Variants in BRINP3 observed in about 807,000 individuals in gnomAD.
BRINP3 encodes the protein BMP/retinoic acid inducible neural specific 3.
A neutral mutation model predicts 71.0 loss-of-function variants in BRINP3; 19 were observed. The ratio of observed to expected loss-of-function variants is 0.27; its 90% CI spans 0.19 to 0.39. The LOEUF is 0.39. BRINP3 is among the 10% of genes least tolerant of loss of function. The pLI is 1.00. For missense variants in BRINP3, 959 were observed against 940.8 expected, an observed-to-expected ratio of 1.02 and a Z score of -0.25; for synonymous variants, 380 against 337.7, an observed-to-expected ratio of 1.13 and a Z score of -1.37.
Position 190,386,792 on chromosome 1 carries a change from T to C in BRINP3, c.236+67863A>G, listed in dbSNP as rs148305793. ...TCATGGAATTACATTAAGAATTAAA[T>C]GACTATACAAATAAAGGGCTTACAA... On this transcript the variant is annotated intron_variant, in intron 2 of 7. Coordinates refer to ENST00000367462, the MANE Select transcript of BRINP3 (RefSeq NM_199051.3). Among the ~76,000 whole-genome samples the C allele has an allele frequency of 1.7e-4, 26 of 152,162 alleles. No individual in the cohort carries two copies. In the East Asian group the frequency reaches 4.6e-3, roughly 27 times the overall value.
At chr1:190,471,998 G>C (rs1260360896) in intron 1 of BRINP3, among the ~76,000 whole-genome samples, 1 of 151,198 alleles carries the variant, frequency 6.6e-6, no homozygotes. Flanking sequence ...AAGAAGATTT[G>C]ATACTAGCAT....
At chr1:190,222,775 T>G (rs1269956756) in intron 6 of BRINP3, among the ~76,000 whole-genome samples, 1 of 151,732 alleles carries the variant, frequency 6.6e-6, no homozygotes, top group South Asian at 2.1e-4. Flanking sequence ...TAATCAAAAC[T>G]GACAAATTCT....
At chr1:190,471,187 T>G (rs1447004572) in intron 1 of BRINP3, among the ~76,000 whole-genome samples, 1 of 151,160 alleles carries the variant, frequency 6.6e-6, no homozygotes, top group Non-Finnish European at 1.5e-5. Flanking sequence ...TTATGGTGGC[T>G]ATTTGATGCT....
chr1:190,314,151 G>A (rs2103032559), intron 2 of BRINP3, among the ~76,000 whole-genome samples: 1 of 152,116 alleles, frequency 6.6e-6, no homozygotes, highest in African/African-American at 2.4e-5. Flanking sequence ...AGACCTTGAT[G>A]TCTATCAAGG....
intron 7 of BRINP3, among the ~76,000 whole-genome samples, chr1:190,119,728 A>C (rs1052394108): frequency 1.3e-5 from 2 of 152,206 alleles, no homozygotes; most frequent in East Asian, 1.9e-4. Context: ...GGCAACAATG[A>C]TGAGATGTAA....
chr1:190,298,493 A>C lies in BRINP3; in HGVS notation c.237-16743T>G, dbSNP rs145709727. On this transcript the variant is annotated intron_variant, in intron 2 of 7. Coordinates refer to ENST00000367462, the MANE Select transcript of BRINP3 (RefSeq NM_199051.3). The stretch of plus-strand genomic sequence containing the variant: ...ATACATTTCTCTCTCAGCACTGCTT[A>C]AATCATGTTCCACAATTTTTGATAT... 6.9e-3 allele frequency among the ~76,000 whole-genome samples: 1,049 copies of C among 151,966 alleles called. 5 individuals carry two copies. Among genetic ancestry groups the C allele is most frequent in the Admixed American group, 0.012 (181 of 15,238 alleles).
At position 190,098,066 on chromosome 1, in the gene BRINP3, G is replaced by T. The variant is rs781131758; in HGVS notation, c.2253C>A (p.Ala751=). ...RIQSALQAFN[A]KLPNTMDYDT... ...CATAATCCATTGTGTTTGGCAATTT[G>T]GCATTAAACGCCTGCAGAGCAGATT... Residue 751 remains alanine (A), a synonymous_variant, in exon 8 of 8, where the codon GCC becomes GCA. Coordinates refer to ENST00000367462, the MANE Select transcript of BRINP3 (RefSeq NM_199051.3). 1.2e-5 allele frequency: 19 copies of T among 1,613,598 alleles called. No homozygotes were observed. The highest frequency in any genetic ancestry group is 1.4e-5 in the Non-Finnish European group (16 of 1,179,878).
At chr1:190,343,725 T>C (rs2103120429) in intron 2 of BRINP3, among the ~76,000 whole-genome samples, 1 of 151,656 alleles carries the variant, frequency 6.6e-6, no homozygotes, top group Non-Finnish European at 1.5e-5. Context: ...TACCAATCAA[T>C]AAACCGACTC....
chr1:190,139,462 A>AG (rs1331463136), intron 7 of BRINP3, among the ~76,000 whole-genome samples: 2 of 151,684 alleles, frequency 1.3e-5, no homozygotes, highest in East Asian at 3.9e-4. Flanking sequence ...AAAAAAAAAA[A>AG]AAAAAAAAGA....
At chr1:190,279,536 T>G (rs1662879672) in intron 3 of BRINP3, among the ~76,000 whole-genome samples, 1 of 151,880 alleles carries the variant, frequency 6.6e-6, no homozygotes, top group Non-Finnish European at 1.5e-5. Flanking sequence ...GCTGATCTCT[T>G]TCTCTTCTTA....
At chr1:190,287,051 T>A (rs1470835795) in intron 2 of BRINP3, among the ~76,000 whole-genome samples, 5 of 148,054 alleles carry the variant, frequency 3.4e-5, no homozygotes, top group Non-Finnish European at 7.4e-5. Context: ...AAACCCTGTC[T>A]CTACTAAAAA....
At chr1:190,367,945 G>A (rs1391239718) in intron 2 of BRINP3, among the ~76,000 whole-genome samples, 2 of 152,082 alleles carry the variant, frequency 1.3e-5, no homozygotes, top group South Asian at 2.1e-4. Flanking sequence ...GACATTCCAA[G>A]TATTCCCACA....
chr1:190,232,806 A>G (rs1170764431), intron 5 of BRINP3, among the ~76,000 whole-genome samples: 1 of 152,168 alleles, frequency 6.6e-6, no homozygotes, highest in East Asian at 1.9e-4. Flanking sequence ...GTAGTCATAC[A>G]AATTGGTATA....
intron 2 of BRINP3, among the ~76,000 whole-genome samples, chr1:190,433,348 C>T (rs768727930): frequency 9.2e-5 from 14 of 152,162 alleles, no homozygotes; most frequent in Non-Finnish European, 1.6e-4. Flanking sequence ...TTAACTGTGG[C>T]ATTGAAAGCC....
intron 2 of BRINP3, among the ~76,000 whole-genome samples, chr1:190,376,142 T>C (rs1254425277): frequency 3.3e-5 from 5 of 151,918 alleles, no homozygotes; most frequent in African/African-American, 1.2e-4. Context: ...TTAGTAGGCA[T>C]AATTTATGAA....
At position 190,098,808 on chromosome 1, in the gene BRINP3, G is replaced by A. The variant is rs1209013098; in HGVS notation, c.1511C>T (p.Thr504Met). Residue 504 changes from threonine to methionine, a missense_variant, in exon 8 of 8, where the codon ACG (threonine) becomes ATG (methionine). Thr to Met is a moderately conservative substitution (Grantham distance 81, BLOSUM62 -1). Coordinates refer to ENST00000367462, the MANE Select transcript of BRINP3 (RefSeq NM_199051.3). ...DLEMKYLLQK[T>M]DRRIEVHAIF... Reference sequence around the variant, plus strand: ...GGCATGGACTTCTATTCGTCTGTCCGTTTTCTGCAGCAGATATTTCATCTC... The same window carrying A: ...GGCATGGACTTCTATTCGTCTGTCCATTTTCTGCAGCAGATATTTCATCTC... 5 of 1,614,086 alleles carry A rather than the reference G, an allele frequency of 3.1e-6. No homozygotes were observed. In the Admixed American group the frequency reaches 5.0e-5, roughly 16 times the overall value.
intron 3 of BRINP3, among the ~76,000 whole-genome samples, chr1:190,275,948 G>GAT (rs932002323): frequency 1.6e-4 from 24 of 148,488 alleles, no homozygotes; most frequent in East Asian, 1.4e-3. Context: ...AGTGAAACAT[G>GAT]ATATATATAT....
intron 2 of BRINP3, among the ~76,000 whole-genome samples, chr1:190,287,818 T>C (rs1182184769): frequency 6.6e-6 from 1 of 152,158 alleles, no homozygotes; most frequent in Non-Finnish European, 1.5e-5. Flanking sequence ...TTATGGCTAG[T>C]TATGCACACT....
intron 2 of BRINP3, among the ~76,000 whole-genome samples, chr1:190,332,756 C>A (rs1422512456): frequency 1.3e-5 from 2 of 151,918 alleles, no homozygotes; most frequent in African/African-American, 2.4e-5. Flanking sequence ...TCTCCAAGGG[C>A]AGTTGTTAAG....
Sources: allele counts gnomAD v4.1 joint callset (sites outside exome capture counted in the v4.1 genomes callset), GRCh38; gene constraint gnomAD v4.1.1; transcripts MANE v1.5; gene names NCBI Gene and HGNC (gene_info 2026-07-23, HGNC 2026-07-21).